Variants in RAI1 observed in about 807,000 individuals in gnomAD.
The protein encoded by RAI1 is retinoic acid induced 1.
RAI1 carries 9 observed loss-of-function variants against 123.8 expected under a neutral mutation model. The ratio of observed to expected loss-of-function variants is 0.07; its 90% CI spans 0.04 to 0.13. RAI1 has a LOEUF of 0.13. Ranked by LOEUF, RAI1 falls within the 10% of genes least tolerant of loss-of-function variation. RAI1 has a pLI of 1.00. For missense variants in RAI1, 2,256 were observed against 2,545.8 expected, an observed-to-expected ratio of 0.89 and a Z score of 2.45; for synonymous variants, 1,231 against 1,127.3, an observed-to-expected ratio of 1.09 and a Z score of -1.84.
intron 2 of RAI1, among the ~76,000 whole-genome samples, chr17:17,733,663 G>A (rs1567858225): frequency 6.6e-6 from 1 of 152,146 alleles, no homozygotes; most frequent in Non-Finnish European, 1.5e-5. Flanking sequence ...TCCAGTGCTC[G>A]TTCTCTCTAA....
Position 17,681,648 on chromosome 17 carries a change from G to A in RAI1, c.-294G>A, listed in dbSNP as rs1004707001. 4.2e-6 allele frequency: 1 copy of A among 237,988 alleles called. No individual in the cohort carries two copies. Among genetic ancestry groups the A allele is most frequent in the Non-Finnish European group, 8.0e-6 (1 of 124,502 alleles). 14.7% of individuals were successfully genotyped at this position (237,988 alleles called of 1,614,324 possible). A position where few individuals can be genotyped will look rare whatever the true frequency, so the allele number is the denominator to read the frequency against. ...GCCCGCGGCCCTAGCGCCGGCGCGA[G>A]GAGGGGGCGCCGCGGCCCACCCTCC... On this transcript the variant is annotated 5_prime_UTR_variant, in exon 1 of 6. Transcript: ENST00000353383.
intron 2 of RAI1, among the ~76,000 whole-genome samples, chr17:17,730,409 G>A (rs1369549975): frequency 6.6e-6 from 1 of 152,254 alleles, no homozygotes; most frequent in African/African-American, 2.4e-5. Context: ...GGGTTGTGGT[G>A]GCTGCCTGGC....
chr17:17,777,577 G>A (rs2031392148), intron 2 of RAI1: 1 of 141,770 alleles, frequency 7.1e-6, no homozygotes, highest in Admixed American at 7.2e-5. Flanking sequence ...GTCTGCATGA[G>A]TCTTGTACCC....
At chr17:17,706,590 C>G (rs1915401741) in intron 1 of RAI1, among the ~76,000 whole-genome samples, 1 of 152,078 alleles carries the variant, frequency 6.6e-6, no homozygotes, top group Non-Finnish European at 1.5e-5. Context: ...TGGGGGTGGC[C>G]CTGTGCAGTG....
At position 17,793,563 on chromosome 17, in the gene RAI1, G is replaced by C. The variant is rs1481672931; in HGVS notation, c.615G>C (p.Gln205His). The C allele has an allele frequency of 8.1e-6, 13 of 1,613,682 alleles. No individual in the cohort carries two copies. Among genetic ancestry groups the C allele is most frequent in the Non-Finnish European group, 1.1e-5 (13 of 1,179,976 alleles). Residue 205 changes from glutamine to histidine, a missense_variant, in exon 3 of 6, where the codon CAG becomes CAC. Physicochemically the swap from Gln to His is conservative, Grantham distance 24. Transcript: ENST00000353383. ...TTGCCTCCCCTCTGCCCTTCCCCCA[G>C]GGTACCCACTTTCCTCAGCATTCCC... ...NDIASPLPFP[Q>H]GTHFPQHSQS... is the part of the protein sequence containing the mutation.
chr17:17,749,146 CAG>C (rs1374533219), intron 2 of RAI1, among the ~76,000 whole-genome samples: 15 of 152,250 alleles, frequency 9.9e-5, no homozygotes, highest in African/African-American at 3.6e-4. Context: ...TGCCCGTCAG[CAG>C]AGAGTTCCCG....
intron 4 of RAI1, among the ~76,000 whole-genome samples, chr17:17,807,567 GCC>G (rs1196350511): frequency 6.6e-6 from 1 of 152,236 alleles, no homozygotes; most frequent in African/African-American, 2.4e-5. Flanking sequence ...GTCAGTGAGT[GCC>G]CAGGTTCCCC....
In RAI1 at chr17:17,714,555, C is replaced by G. The variant is rs1020057211; in HGVS notation, c.-148-9473C>G. Among the ~76,000 whole-genome samples the G allele has an allele frequency of 3.5e-4, 53 of 152,220 alleles. No homozygotes were observed. The highest frequency in any genetic ancestry group is 1.2e-3 in the African/African-American group (51 of 41,454). On this transcript the variant is annotated intron_variant, in intron 1 of 5. Coordinates refer to ENST00000353383, the MANE Select transcript of RAI1 (RefSeq NM_030665.4). This position sits in a 1 kb window ranked among gnomAD's most constrained non-coding sequence, Gnocchi z 4.9. ...CTGAGTGACGTTTATGCACTCATTT[C>G]TATTTATCACCAGCAAATCCCGGGC...
chr17:17,749,326 T>C (rs1465984093), intron 2 of RAI1, among the ~76,000 whole-genome samples: 1 of 152,224 alleles, frequency 6.6e-6, no homozygotes, highest in East Asian at 1.9e-4. Flanking sequence ...TCCCTGCTCC[T>C]GCCTCCTGAG....
rs961366155 is a variant in RAI1, at chr17:17,800,633, T to C, written c.5565+2120T>C. Among the ~76,000 whole-genome samples, 1 of 152,226 alleles carries C rather than the reference T, an allele frequency of 6.6e-6. No homozygotes were observed. The highest frequency in any genetic ancestry group is 2.4e-5 in the African/African-American group (1 of 41,462). On this transcript the variant is annotated intron_variant, in intron 3 of 5. Coordinates refer to ENST00000353383, the MANE Select transcript of RAI1 (RefSeq NM_030665.4). This position sits in a 1 kb window ranked among gnomAD's most constrained non-coding sequence, Gnocchi z 4.7. ...CCTACACCACGCGGGGGCTGGAACT[T>C]GCCAGCCCAGCCCATGCCTGTCTGC...
At chr17:17,729,512 G>A (rs545916171) in intron 2 of RAI1, among the ~76,000 whole-genome samples, 1 of 152,294 alleles carries the variant, frequency 6.6e-6, no homozygotes, top group African/African-American at 2.4e-5. Context: ...GCCACACCCA[G>A]AAGCAAGTGA....
rs1345987196 is a variant in RAI1, at chr17:17,809,999, C to T, written c.*18C>T. On this transcript the variant is annotated 3_prime_UTR_variant, in exon 6 of 6. Transcript: ENST00000353383. This position sits in a 1 kb window ranked among gnomAD's most constrained non-coding sequence, Gnocchi z 4.9. Reference sequence around the variant, plus strand: ...TGCCGTAGTAATCCACCCCAACGGCCGGAGGAGCCGCCGGAGCCCGCCTGC... The same window carrying T: ...TGCCGTAGTAATCCACCCCAACGGCTGGAGGAGCCGCCGGAGCCCGCCTGC... 6.5e-7 allele frequency: 1 copy of T among 1,546,420 alleles called. No homozygotes were observed. Among genetic ancestry groups the T allele is most frequent in the Non-Finnish European group, 8.7e-7 (1 of 1,146,248 alleles).
In RAI1 at chr17:17,794,788, C is replaced by G; in HGVS notation, c.1840C>G (p.Leu614Val). The part of the protein sequence containing the change: ...QEDLASEILG[L>V]QEAIGEKADK... ...GGACCTGGCCTCCGAGATCCTGGGG[C>G]TGCAGGAAGCCATCGGTGAGAAGGC... Residue 614 changes from leucine (L) to valine (V), a missense_variant, in exon 3 of 6, where the codon CTG becomes GTG. Physicochemically the swap from Leu to Val is conservative, Grantham distance 32. Coordinates refer to ENST00000353383, the MANE Select transcript of RAI1 (RefSeq NM_030665.4). The G allele has an allele frequency of 6.2e-7, 1 of 1,613,086 alleles. No individual in the cohort carries two copies. The highest frequency in any genetic ancestry group is 8.5e-7 in the Non-Finnish European group (1 of 1,180,002).
intron 2 of RAI1, among the ~76,000 whole-genome samples, chr17:17,755,751 C>T (rs1486859071): frequency 6.6e-6 from 1 of 152,220 alleles, no homozygotes; most frequent in Non-Finnish European, 1.5e-5. Context: ...CGCCCCAGGG[C>T]TCTCTGACAA....
Position 17,800,944 on chromosome 17 carries a change from C to T in RAI1, c.5565+2431C>T, listed in dbSNP as rs1293184395. Among the ~76,000 whole-genome samples the T allele has an allele frequency of 6.6e-6, 1 of 152,184 alleles. No individual in the cohort carries two copies. The highest frequency in any genetic ancestry group is 1.5e-5 in the Non-Finnish European group (1 of 68,018). On this transcript the variant is annotated intron_variant, in intron 3 of 5. Transcript: ENST00000353383. This position sits in a 1 kb window ranked among gnomAD's most constrained non-coding sequence, Gnocchi z 4.7. ...TCTGAGAACTCCACAATGTCAAACC[C>T]CGTTAGCAGGATTGTGGGGTTCTGT...
chr17:17,705,465 C>T (rs1157442314), intron 1 of RAI1, among the ~76,000 whole-genome samples: 1 of 152,030 alleles, frequency 6.6e-6, no homozygotes, highest in African/African-American at 2.4e-5. Flanking sequence ...AACCCCATCT[C>T]TACTAAAAAA....
In RAI1 at chr17:17,800,420, AC is replaced by A; in HGVS notation, c.5565+1909del. Among the ~76,000 whole-genome samples the A allele has an allele frequency of 6.6e-6, 1 of 152,240 alleles. No homozygotes were observed. The highest frequency in any genetic ancestry group is 2.1e-4 in the South Asian group (1 of 4,828). On this transcript the variant is annotated intron_variant, in intron 3 of 5. Transcript: ENST00000353383. This position sits in a 1 kb window ranked among gnomAD's most constrained non-coding sequence, Gnocchi z 4.7. Reference sequence around the variant, plus strand: ...AGGGGCTCCCCGACACTCACGTCCCACCAGGCTGAGATCAGGTCGTCTCCAC... The same window carrying A: ...AGGGGCTCCCCGACACTCACGTCCCACAGGCTGAGATCAGGTCGTCTCCAC...
intron 2 of RAI1, among the ~76,000 whole-genome samples, chr17:17,780,940 A>T (rs2031553627): frequency 6.6e-6 from 1 of 152,076 alleles, no homozygotes; most frequent in African/African-American, 2.4e-5. Flanking sequence ...CCCAGCACTC[A>T]GAGTCAGCGC....
chr17:17,802,477 C>G, intron 3 of RAI1, among the ~76,000 whole-genome samples: 1 of 152,200 alleles, frequency 6.6e-6, no homozygotes, highest in Non-Finnish European at 1.5e-5. Context: ...CCACAGAGGG[C>G]TGTTAGAGCC....
Sources: gnomAD v4.1 joint callset for allele counts (sites outside exome capture counted in the v4.1 genomes callset) on GRCh38, gnomAD v4.1.1 for gene constraint, Gnocchi (gnomAD v3.1) non-coding constraint, MANE v1.5 for transcripts, NCBI Gene and HGNC (gene_info 2026-07-23, HGNC 2026-07-21) for gene names.